The following TANC2 variants were observed in gnomAD, a reference collection of about 807,000 sequenced individuals.
TANC2 encodes tetratricopeptide repeat, ankyrin repeat and coiled-coil containing 2.
Under a neutral mutation model 210.5 loss-of-function variants are expected in TANC2, and 26 were observed. That is an observed-to-expected ratio of 0.12 (90% CI 0.09 to 0.17). The LOEUF (loss-of-function observed/expected upper bound fraction) is 0.17. TANC2 is among the 10% of genes least tolerant of loss of function. TANC2 has a pLI of 1.00. For missense variants in TANC2, 2,129 were observed against 2,608.9 expected, an observed-to-expected ratio of 0.82 and a Z score of 4.01; for synonymous variants, 931 against 967.1, an observed-to-expected ratio of 0.96 and a Z score of 0.69.
intron 2 of TANC2, among the ~76,000 whole-genome samples, chr17:63,026,984 G>A (rs898699508): frequency 6.6e-6 from 1 of 152,124 alleles, no homozygotes; most frequent in African/African-American, 2.4e-5. Context: ...TATGCAGTCA[G>A]CACAAGTCGT....
chr17:63,228,659 G>A (rs920392335), intron 7 of TANC2, among the ~76,000 whole-genome samples: 22 of 151,950 alleles, frequency 1.4e-4, no homozygotes, highest in African/African-American at 3.1e-4. Flanking sequence ...TCTTGTTAGC[G>A]GTGTTCCTAG....
chr17:63,358,376 A>AGAGAGAGTGTGTGTGTGTGTGT (rs1470682571), intron 14 of TANC2, among the ~76,000 whole-genome samples: 9 of 80,942 alleles, frequency 1.1e-4, no homozygotes, highest in African/African-American at 3.3e-4. Context: ...AGAGAGAGAG[A>AGAGAGAGTGTGTGTGTGTGTGT]GTATGTGTGT....
intron 2 of TANC2, among the ~76,000 whole-genome samples, chr17:63,055,991 ATATATATATATATATATAT>A (rs1387974234): frequency 1.0e-4 from 1 of 9,596 alleles, no homozygotes; most frequent in Non-Finnish European, 2.8e-4. Context: ...AAAAAAAAAA[ATATATATATATATATATAT>A]ATATATATAT....
chr17:63,150,600 T>C (rs2039615739), intron 4 of TANC2: 1 of 152,206 alleles, frequency 6.6e-6, no homozygotes, highest in Non-Finnish European at 1.5e-5. Flanking sequence ...TAGCTTCTAG[T>C]GTCAAACTAG....
intron 1 of TANC2, among the ~76,000 whole-genome samples, chr17:62,996,481 T>A (rs2143648593): frequency 6.6e-6 from 1 of 152,110 alleles, no homozygotes. Flanking sequence ...TGTCCGTCAC[T>A]TCCCTTTTTT....
chr17:63,332,975 A>G (rs1055718228), intron 11 of TANC2, among the ~76,000 whole-genome samples: 3 of 152,204 alleles, frequency 2.0e-5, no homozygotes, highest in Non-Finnish European at 4.4e-5. Context: ...ACACAGAAAA[A>G]AAGATAACTT....
At chr17:63,324,394 AAGCT>A (rs2045582507) in intron 11 of TANC2, among the ~76,000 whole-genome samples, 1 of 152,224 alleles carries the variant, frequency 6.6e-6, no homozygotes, top group African/African-American at 2.4e-5. Context: ...GTCACTATTA[AAGCT>A]GTCAGCCAAA....
chr17:63,176,853 A>C (rs117895140), intron 5 of TANC2, among the ~76,000 whole-genome samples: 3,925 of 151,016 alleles, frequency 0.026, 59 homozygotes, highest in Non-Finnish European at 0.038. Flanking sequence ...GTTGCCTGGG[A>C]CTAGAGTTGA....
chr17:63,371,466 C>CAAA (rs535768676), intron 14 of TANC2, among the ~76,000 whole-genome samples: 1 of 100,864 alleles, frequency 9.9e-6, no homozygotes. Flanking sequence ...AATTCCGTCT[C>CAAA]AAAAAAAAAA....
At chr17:63,370,471 C>G (rs554058116) in intron 14 of TANC2, among the ~76,000 whole-genome samples, 1 of 152,156 alleles carries the variant, frequency 6.6e-6, no homozygotes, top group East Asian at 1.9e-4. Flanking sequence ...AGCCACCACG[C>G]CCGGCCTCCT....
At chr17:63,120,965 A>G (rs2038452611) in intron 4 of TANC2, among the ~76,000 whole-genome samples, 1 of 151,806 alleles carries the variant, frequency 6.6e-6, no homozygotes, top group Non-Finnish European at 1.5e-5. Context: ...GTAAACTCTT[A>G]GGTTTTTTCC....
intron 6 of TANC2, among the ~76,000 whole-genome samples, chr17:63,196,551 A>G (rs1469800622): frequency 6.6e-6 from 1 of 152,232 alleles, no homozygotes; most frequent in Non-Finnish European, 1.5e-5. Context: ...TATGGAGTGC[A>G]CCTTACTTGT....
At chr17:63,112,787 CTTGA>C (rs2038101975) in intron 4 of TANC2, among the ~76,000 whole-genome samples, 1 of 152,146 alleles carries the variant, frequency 6.6e-6, no homozygotes. Flanking sequence ...TTGTCAATCA[CTTGA>C]TTAATATCCT....
chr17:63,303,782 T>G (rs909098322), intron 9 of TANC2, among the ~76,000 whole-genome samples: 2 of 151,826 alleles, frequency 1.3e-5, no homozygotes, highest in Admixed American at 1.3e-4. Context: ...TTCTTGGAGG[T>G]TTTTTTGTTC....
At chr17:63,361,221 A>G (rs2046948641) in intron 14 of TANC2, among the ~76,000 whole-genome samples, 1 of 152,184 alleles carries the variant, frequency 6.6e-6, no homozygotes, top group South Asian at 2.1e-4. Flanking sequence ...TTGCTTTGCC[A>G]GCCAGAAACC....
chr17:63,377,701 C>A (rs2047469266), intron 14 of TANC2, among the ~76,000 whole-genome samples: 1 of 152,188 alleles, frequency 6.6e-6, no homozygotes, highest in Non-Finnish European at 1.5e-5. Flanking sequence ...TCCAAAGTTG[C>A]TTCCACATTT....
chr17:63,411,791 A>C (rs926159750), intron 22 of TANC2, 105 bp downstream of exon 22: 20 of 1,449,628 alleles, frequency 1.4e-5, no homozygotes, highest in Middle Eastern at 1.8e-4. Context: ...TTCCTGATAC[A>C]GAGCTCTCAG....
At chr17:63,127,796 C>G (rs2038764288) in intron 4 of TANC2, among the ~76,000 whole-genome samples, 1 of 152,172 alleles carries the variant, frequency 6.6e-6, no homozygotes, top group Non-Finnish European at 1.5e-5. Context: ...TGCATATTAC[C>G]ATGCCCTGCA....
At chr17:63,276,001 C>G (rs1272584164) in intron 9 of TANC2, among the ~76,000 whole-genome samples, 1 of 152,086 alleles carries the variant, frequency 6.6e-6, no homozygotes, top group African/African-American at 2.4e-5. Context: ...TTATTTTCCT[C>G]AAAAGTGACT....
Sources: gnomAD v4.1 joint callset for allele counts (sites outside exome capture counted in the v4.1 genomes callset) on GRCh38, gnomAD v4.1.1 for gene constraint, MANE v1.5 for transcripts, NCBI Gene and HGNC (gene_info 2026-07-23, HGNC 2026-07-21) for gene names.